The following ZCCHC9 variants were observed in gnomAD, a reference collection of about 807,000 sequenced individuals.
ZCCHC9 encodes the protein zinc finger CCHC domain-containing protein 9.
Under a neutral mutation model 30.8 loss-of-function variants are expected in ZCCHC9, and 18 were observed. That is an observed-to-expected ratio of 0.58 (90% CI 0.40 to 0.87). The LOEUF (loss-of-function observed/expected upper bound fraction) is 0.87, where lower values mean the gene tolerates loss of function less well. Ranked by LOEUF, ZCCHC9 falls within the 40% of genes least tolerant of loss-of-function variation. The probability of loss-of-function intolerance (pLI) is 0.00; values close to 1 mark genes in which losing one functional copy is unlikely to be tolerated. For missense variants in ZCCHC9, 279 were observed against 331.2 expected, an observed-to-expected ratio of 0.84 and a Z score of 1.22; for synonymous variants, 94 against 106.7, an observed-to-expected ratio of 0.88 and a Z score of 0.73.
chr5:81,308,022 A>ATCTATCT lies in ZCCHC9; in HGVS notation c.385-539_385-538insTCTATCT, dbSNP rs571429540. 7.8e-3 allele frequency among the ~76,000 whole-genome samples: 532 copies of ATCTATCT among 68,514 alleles called. 2 individuals are homozygous for ATCTATCT. The highest frequency in any genetic ancestry group is 0.013 in the Middle Eastern group (1 of 76). The allele number at this position is 68,514 out of a possible 152,430, so 44.9% of individuals were successfully genotyped here. A position where few individuals can be genotyped will look rare whatever the true frequency, so the allele number is the denominator to read the frequency against. On this transcript the variant is annotated intron_variant, in intron 2 of 5. Coordinates refer to ENST00000407610, the MANE Select transcript of ZCCHC9 (RefSeq NM_001131035.2). The stretch of plus-strand genomic sequence containing the variant: ...AAAAAAAAAAAAAAAAAAAAAAAAA[A>ATCTATCT]ATCTATCTATCTATCTATCTATCTA...
chr5:81,302,562 C>A (rs1468382096), intron 1 of ZCCHC9: 1 of 152,140 alleles, frequency 6.6e-6, no homozygotes, highest in Non-Finnish European at 1.5e-5. Flanking sequence ...ATGGTTGGGC[C>A]GTTTCGTGGT....
intron 4 of ZCCHC9, among the ~76,000 whole-genome samples, chr5:81,310,829 C>G (rs1758259268): frequency 6.6e-6 from 1 of 152,194 alleles, no homozygotes. Context: ...ATCTGACATG[C>G]TATTCAGGAA....
chr5:81,311,400 A>G lies in ZCCHC9; in HGVS notation c.697+121A>G, dbSNP rs1221978170. The G allele has an allele frequency of 1.1e-5, 11 of 1,024,732 alleles. No individual in the cohort carries two copies. The Admixed American group carries it at 1.1e-4, about 11-fold the overall frequency. 63.5% of individuals were successfully genotyped at this position (1,024,732 alleles called of 1,614,324 possible). A position where few individuals can be genotyped will look rare whatever the true frequency, so the allele number is the denominator to read the frequency against. ...TGATTTTAAGACAACCTGTTTTCCT[A>G]CTGTAGCAATGACTTAATCTCTGTC... is the stretch of plus-strand genomic sequence containing the variant. On this transcript the variant is annotated intron_variant, in intron 5 of 5. Transcript: ENST00000407610.
At chr5:81,306,526 T>C (rs942768454) in intron 2 of ZCCHC9, among the ~76,000 whole-genome samples, 9 of 152,222 alleles carry the variant, frequency 5.9e-5, no homozygotes, top group African/African-American at 1.9e-4. Flanking sequence ...TTTACTGTTA[T>C]GACCGCTTAA....
chr5:81,308,616 T>C lies in ZCCHC9; in HGVS notation c.440T>C (p.Leu147Pro). 6.2e-7 allele frequency: 1 copy of C among 1,613,766 alleles called. No individual in the cohort carries two copies. The highest frequency in any genetic ancestry group is 8.5e-7 in the Non-Finnish European group (1 of 1,179,854). Residue 147 changes from leucine to proline, a missense_variant, in exon 3 of 6, where the codon CTT (leucine) becomes CCT (proline). Leu to Pro is a moderately conservative substitution (Grantham distance 98). Coordinates refer to ENST00000407610, the MANE Select transcript of ZCCHC9 (RefSeq NM_001131035.2). ...GHGIADCPAA[L>P]ENQDMGTGIC... ...GGAATTGCAGATTGCCCCGCCGCCC[T>C]TGAAAATCAAGACATGGGCACTGGG...
At position 81,301,612 on chromosome 5, in the gene ZCCHC9, C is replaced by T. The variant is rs577472775; in HGVS notation, c.-104C>T. The T allele has an allele frequency of 6.6e-6, 1 of 152,310 alleles. No homozygotes were observed. The highest frequency in any genetic ancestry group is 1.5e-5 in the Non-Finnish European group (1 of 68,082). 9.4% of individuals were successfully genotyped at this position (152,310 alleles called of 1,614,324 possible). A position where few individuals can be genotyped will look rare whatever the true frequency, so the allele number is the denominator to read the frequency against. ...ACTATGTGCTTCCGGTCTCCAATAC[C>T]GCAGGAGGGCGGTCTTCCCCGGCTC... On this transcript the variant is annotated 5_prime_UTR_variant, in exon 1 of 6. Coordinates refer to ENST00000407610, the MANE Select transcript of ZCCHC9 (RefSeq NM_001131035.2).
chr5:81,310,875 A>G (rs1305882289), intron 4 of ZCCHC9, among the ~76,000 whole-genome samples: 2 of 152,208 alleles, frequency 1.3e-5, no homozygotes, highest in Non-Finnish European at 2.9e-5. Context: ...TACAGGTCCA[A>G]GGGTTCACAG....
chr5:81,312,480 C>T, intron 5 of ZCCHC9, 64 bp from the exon 6 acceptor site: 1 of 1,294,090 alleles, frequency 7.7e-7, no homozygotes, highest in Non-Finnish European at 1.1e-6. Flanking sequence ...AAACCAATAA[C>T]AATCTGAGTG....
In ZCCHC9 at chr5:81,304,966, A is replaced by G. The variant is rs559696306; in HGVS notation, c.209A>G (p.Glu70Gly). Residue 70 changes from glutamate (E) to glycine (G), a missense_variant, in exon 2 of 6, where the codon GAA becomes GGA. Transcript: ENST00000407610. ...AAAAAGAAAAAAGAGTACTTAAATG[A>G]AGATGTGAATGGATTCATGGAATAC... ...KNKKKKEYLN[E>G]DVNGFMEYLR... 1 of 1,614,018 alleles carries G rather than the reference A, an allele frequency of 6.2e-7. No individual in the cohort carries two copies. Among genetic ancestry groups the G allele is most frequent in the South Asian group, 1.1e-5 (1 of 91,018 alleles).
At chr5:81,305,187 A>G (rs753786558) in intron 2 of ZCCHC9, 46 bp downstream of exon 2, 2 of 1,538,492 alleles carry the variant, frequency 1.3e-6, no homozygotes, top group Admixed American at 2.2e-5. Flanking sequence ...TTTAGCTGGA[A>G]ACTATTCTTA....
chr5:81,311,803 G>A (rs1420283877), intron 5 of ZCCHC9, among the ~76,000 whole-genome samples: 3 of 152,122 alleles, frequency 2.0e-5, no homozygotes, highest in Non-Finnish European at 4.4e-5. Flanking sequence ...CTTCAGAGAT[G>A]TTCACTCTAC....
In ZCCHC9 at chr5:81,312,062, T is replaced by C. The variant is rs528564421; in HGVS notation, c.698-482T>C. Among the ~76,000 whole-genome samples, 3 of 152,350 alleles carry C rather than the reference T, an allele frequency of 2.0e-5. No individual in the cohort carries two copies. In the South Asian group the frequency reaches 6.2e-4, roughly 32 times the overall value. On this transcript the variant is annotated intron_variant, in intron 5 of 5. Coordinates refer to ENST00000407610, the MANE Select transcript of ZCCHC9 (RefSeq NM_001131035.2). ...CTTATTTACAAGCTTGTCTAGAAGATAGTCTTTAGTACATTGTAGGCAGTG... is the reference window on the plus strand; with the variant it reads ...CTTATTTACAAGCTTGTCTAGAAGACAGTCTTTAGTACATTGTAGGCAGTG...
rs905661965 is a variant in ZCCHC9, at chr5:81,312,719, G to A, written c.*57G>A. The stretch of plus-strand genomic sequence containing the variant: ...CATTGTTACTTTCTAAACCAGGCCC[G>A]CTTCACGAGTTAGAGTTGAGCTCCC... On this transcript the variant is annotated 3_prime_UTR_variant, in exon 6 of 6. Coordinates refer to ENST00000407610, the MANE Select transcript of ZCCHC9 (RefSeq NM_001131035.2). 2.1e-5 allele frequency: 27 copies of A among 1,316,176 alleles called. No individual in the cohort carries two copies. The East Asian group carries it at 3.5e-4, about 17-fold the overall frequency. 81.5% of individuals were successfully genotyped at this position (1,316,176 alleles called of 1,614,324 possible).
intron 1 of ZCCHC9, chr5:81,304,402 A>C (rs1441909038): frequency 6.1e-6 from 1 of 163,168 alleles, no homozygotes; most frequent in Non-Finnish European, 1.3e-5. Context: ...AAACTGCAGA[A>C]TGTGGGAGGA....
intron 5 of ZCCHC9, 148 bp downstream of exon 5, chr5:81,311,427 G>A: frequency 1.2e-6 from 1 of 856,432 alleles, no homozygotes; most frequent in Non-Finnish European, 1.9e-6. Flanking sequence ...ATCTCTGTCA[G>A]CAATAGACAC....
At chr5:81,304,445 A>G (rs1397503735) in intron 1 of ZCCHC9, 1 of 201,602 alleles carries the variant, frequency 5.0e-6, no homozygotes, top group African/African-American at 2.3e-5. Context: ...TATCTGATTT[A>G]TATTTTATGA....
rs1380935442 is a variant in ZCCHC9, at chr5:81,309,017, C to G, written c.607C>G (p.Pro203Ala). 1 of 1,612,054 alleles carries G rather than the reference C, an allele frequency of 6.2e-7. No homozygotes were observed. Among genetic ancestry groups the G allele is most frequent in the African/African-American group, 1.3e-5 (1 of 74,854 alleles). ...GHLSRSCPDN[P>A]KGLYADGGGC... is the part of the protein sequence containing the mutation. ...CCTGTCTAGATCTTGTCCTGATAAT[C>G]CCAAAGGACTCTATGCTGATGGTAA... The change falls in exon 4 of 6, where the codon CCC becomes GCC. Residue 203 changes from proline (P) to alanine (A), a missense_variant. By Grantham distance (27) the Pro-to-Ala change is conservative. Coordinates refer to ENST00000407610, the MANE Select transcript of ZCCHC9 (RefSeq NM_001131035.2).
chr5:81,302,410 T>A (rs1461226403), intron 1 of ZCCHC9: 1 of 152,244 alleles, frequency 6.6e-6, no homozygotes, highest in African/African-American at 2.4e-5. Context: ...CGGCAGAGGT[T>A]GCAGTGAGCC....
chr5:81,309,042 A>T lies in ZCCHC9; in HGVS notation c.628+4A>T. 2 of 1,604,518 alleles carry T rather than the reference A, an allele frequency of 1.2e-6. No individual in the cohort carries two copies. Among genetic ancestry groups the T allele is most frequent in the Non-Finnish European group, 8.5e-7 (1 of 1,175,434 alleles). Reference sequence around the variant, plus strand: ...CCCAAAGGACTCTATGCTGATGGTAAGTACTGTTACCCTCATATAGCAGAA... The same window carrying T: ...CCCAAAGGACTCTATGCTGATGGTATGTACTGTTACCCTCATATAGCAGAA... On this transcript the variant is annotated splice_donor_region_variant and intron_variant, in intron 4 of 5. Coordinates refer to ENST00000407610, the MANE Select transcript of ZCCHC9 (RefSeq NM_001131035.2).
Sources: allele counts gnomAD v4.1 joint callset (sites outside exome capture counted in the v4.1 genomes callset), GRCh38; gene constraint gnomAD v4.1.1; transcripts MANE v1.5; gene names NCBI Gene and HGNC (gene_info 2026-07-23, HGNC 2026-07-21).